Variants in LCORL observed in about 807,000 individuals in gnomAD.
LCORL encodes the protein ligand-dependent nuclear receptor corepressor-like protein.
A neutral mutation model predicts 141.8 loss-of-function variants in LCORL; 41 were observed. The ratio of observed to expected loss-of-function variants is 0.29; its 90% CI spans 0.23 to 0.38. The LOEUF (loss-of-function observed/expected upper bound fraction) is 0.38, where lower values mean the gene tolerates loss of function less well. LCORL is among the 10% of genes least tolerant of loss of function. LCORL has a pLI of 1.00. For missense variants in LCORL, 1,759 were observed against 2,035.0 expected, an observed-to-expected ratio of 0.86 and a Z score of 2.61; for synonymous variants, 618 against 694.1, an observed-to-expected ratio of 0.89 and a Z score of 1.72.
chr4:17,938,680 TG>T (rs1278502148), intron 4 of LCORL, among the ~76,000 whole-genome samples: 3 of 152,164 alleles, frequency 2.0e-5, no homozygotes, highest in African/African-American at 7.2e-5. Flanking sequence ...CCCAAAGTGC[TG>T]GGATTGCAGG....
intron 5 of LCORL, among the ~76,000 whole-genome samples, chr4:17,901,576 A>G (rs903135524): frequency 7.9e-5 from 12 of 152,284 alleles, no homozygotes; most frequent in Middle Eastern, 3.4e-3. Flanking sequence ...TGATGTCACA[A>G]GAAGGGAAAC....
intron 1 of LCORL, among the ~76,000 whole-genome samples, chr4:18,000,126 CTTT>C (rs11407271): frequency 1.4e-4 from 18 of 130,690 alleles, no homozygotes; most frequent in Admixed American, 3.0e-4. Flanking sequence ...ATTTGTGGTT[CTTT>C]TTTTTTTTTT....
chr4:17,934,850 C>T (rs1002006452), intron 4 of LCORL, among the ~76,000 whole-genome samples: 14 of 152,110 alleles, frequency 9.2e-5, no homozygotes, highest in Admixed American at 2.0e-4. Flanking sequence ...AAAGCATTCA[C>T]GAAACATGGT....
intron 1 of LCORL, among the ~76,000 whole-genome samples, chr4:18,010,199 G>A (rs1189214444): frequency 6.6e-6 from 1 of 151,948 alleles, no homozygotes; most frequent in African/African-American, 2.4e-5. Flanking sequence ...TTATAATACA[G>A]AAGAGAGCAC....
chr4:17,881,075 G>A, intron 6 of LCORL: 1 of 980,998 alleles, frequency 1.0e-6, no homozygotes, highest in Non-Finnish European at 1.2e-6. Context: ...ATATAAAATT[G>A]TCATTAGCTA....
At position 17,988,725 on chromosome 4, in the gene LCORL, G is replaced by A. The variant is rs369218657; in HGVS notation, c.155-15840C>T. 1.8e-4 allele frequency among the ~76,000 whole-genome samples: 27 copies of A among 152,260 alleles called. No homozygotes were observed. The South Asian group carries it at 3.5e-3, about 20-fold the overall frequency. Reference sequence around the variant, plus strand: ...TTTCTGGCCGGGCGTGGCAGCTCACGCCTGTAATCCCAGCACTTTGGGATC... The same window carrying A: ...TTTCTGGCCGGGCGTGGCAGCTCACACCTGTAATCCCAGCACTTTGGGATC... On this transcript the variant is annotated intron_variant, in intron 1 of 7. Coordinates refer to ENST00000635767, the Ensembl canonical transcript of LCORL.
At chr4:17,911,461 T>C (rs1219614015) in intron 4 of LCORL, among the ~76,000 whole-genome samples, 1 of 152,202 alleles carries the variant, frequency 6.6e-6, no homozygotes, top group Non-Finnish European at 1.5e-5. Context: ...TCTGAAAACA[T>C]CCAGTATCAG....
intron 5 of LCORL, among the ~76,000 whole-genome samples, chr4:17,895,017 A>AT (rs976320725): frequency 9.4e-5 from 14 of 149,036 alleles, no homozygotes; most frequent in African/African-American, 2.9e-4. Context: ...CTTTATATAT[A>AT]TATGTTTATA....
chr4:18,017,354 A>T (rs1255314114), intron 1 of LCORL, among the ~76,000 whole-genome samples: 2 of 152,160 alleles, frequency 1.3e-5, no homozygotes, highest in African/African-American at 4.8e-5. Context: ...ACTGTTCCCC[A>T]AAATAATTTT....
intron 5 of LCORL, among the ~76,000 whole-genome samples, chr4:17,890,096 GTTGT>G (rs1189508237): frequency 1.3e-5 from 2 of 151,936 alleles, no homozygotes; most frequent in Admixed American, 6.6e-5. Context: ...TGGTATTCAG[GTTGT>G]TTTAGTTTTT....
At chr4:17,916,193 A>T (rs960890996) in intron 4 of LCORL, among the ~76,000 whole-genome samples, 4 of 152,186 alleles carry the variant, frequency 2.6e-5, no homozygotes, top group African/African-American at 9.7e-5. Context: ...ACACACTGTT[A>T]CGTTTCTCCC....
chr4:17,886,029 TATATTA>T, intron 6 of LCORL, 33 bp downstream of exon 6: 1 of 1,057,108 alleles, frequency 9.5e-7, no homozygotes, highest in Non-Finnish European at 1.4e-6. Flanking sequence ...GAGATAATTT[TATATTA>T]ATATTAAATT....
intron 7 of LCORL, among the ~76,000 whole-genome samples, chr4:17,862,457 A>C (rs975594751): frequency 6.6e-6 from 1 of 152,188 alleles, no homozygotes; most frequent in African/African-American, 2.4e-5. Flanking sequence ...ATGAAATTTG[A>C]GTGGGGACAA....
chr4:17,963,508 A>G (rs1259999449), intron 2 of LCORL, among the ~76,000 whole-genome samples: 2 of 152,014 alleles, frequency 1.3e-5, no homozygotes, highest in Non-Finnish European at 2.9e-5. Flanking sequence ...AATGATGCCC[A>G]AGAAAACAAG....
chr4:18,013,324 A>T (rs879690485), intron 1 of LCORL, among the ~76,000 whole-genome samples: 1 of 152,314 alleles, frequency 6.6e-6, no homozygotes, highest in South Asian at 2.1e-4. Context: ...TCTCTGATAT[A>T]CTCAAGTTAT....
chr4:17,977,355 C>G (rs1261701663), intron 1 of LCORL, among the ~76,000 whole-genome samples: 1 of 152,118 alleles, frequency 6.6e-6, no homozygotes, highest in African/African-American at 2.4e-5. Context: ...ACATTTCTGC[C>G]ATCTGCCATC....
chr4:17,993,465 A>G (rs1212838473), intron 1 of LCORL, among the ~76,000 whole-genome samples: 1 of 152,200 alleles, frequency 6.6e-6, no homozygotes, highest in Non-Finnish European at 1.5e-5. Context: ...TCAGCCTCCC[A>G]AAGTGCTGGG....
chr4:17,893,317 T>C, intron 5 of LCORL: 1 of 878,018 alleles, frequency 1.1e-6, no homozygotes, highest in Non-Finnish European at 1.4e-6. Flanking sequence ...CAAGAATGTT[T>C]ATTTATATAT....
At chr4:17,999,097 T>C (rs973032341) in intron 1 of LCORL, among the ~76,000 whole-genome samples, 6 of 149,694 alleles carry the variant, frequency 4.0e-5, no homozygotes, top group Non-Finnish European at 8.9e-5. Context: ...CATAATTGTA[T>C]GTGGTATATT....
Sources: allele counts gnomAD v4.1 joint callset (sites outside exome capture counted in the v4.1 genomes callset), GRCh38; gene constraint gnomAD v4.1.1; transcripts MANE v1.5; gene names NCBI Gene and HGNC (gene_info 2026-07-23, HGNC 2026-07-21).